ITPR2: variants seen among roughly 807,000 people sequenced by gnomAD.
ITPR2 encodes the protein inositol 1,4,5-trisphosphate-gated calcium channel ITPR2.
ITPR2 carries 207 observed loss-of-function variants against 317.1 expected under a neutral mutation model. The ratio of observed to expected loss-of-function variants is 0.65; its 90% CI spans 0.58 to 0.73. The LOEUF (loss-of-function observed/expected upper bound fraction) is 0.73, where lower values mean the gene tolerates loss of function less well. Ranked by LOEUF, ITPR2 falls within the 30% of genes least tolerant of loss-of-function variation. ITPR2 has a pLI of 0.00. For missense variants in ITPR2, 2,613 were observed against 3,284.0 expected, an observed-to-expected ratio of 0.80 and a Z score of 4.99; for synonymous variants, 1,156 against 1,149.1, an observed-to-expected ratio of 1.01 and a Z score of -0.12.
chr12:26,400,118 T>G lies in ITPR2; in HGVS notation c.7530+10A>C, dbSNP rs773149443. On this transcript the variant is annotated intron_variant, in intron 53 of 56. Transcript: ENST00000381340. ...GTGCTCCTTGAAAAAATACTTTTACTCTGGCTTACATCTTTCGATGGCCTT... is the reference window on the plus strand; with the variant it reads ...GTGCTCCTTGAAAAAATACTTTTACGCTGGCTTACATCTTTCGATGGCCTT... The G allele has an allele frequency of 8.2e-6, 13 of 1,592,628 alleles. No homozygotes were observed. Among genetic ancestry groups the G allele is most frequent in the Non-Finnish European group, 9.4e-6 (11 of 1,170,670 alleles).
At chr12:26,795,970 C>T (rs1419700098) in intron 1 of ITPR2, among the ~76,000 whole-genome samples, 3 of 140,108 alleles carry the variant, frequency 2.1e-5, no homozygotes, top group Non-Finnish European at 3.0e-5. Flanking sequence ...CGCAACAGAG[C>T]GAGACTCTGT....
rs1214585065 is a variant in ITPR2, at chr12:26,628,042, G to A, written c.3055C>T (p.Leu1019=). Residue 1019 remains leucine (L), a synonymous_variant, in exon 23 of 57, where the codon CTA becomes TTA. Transcript: ENST00000381340. ...TGTCACAAAAAGATACCTGATGGTA[G>A]TAAAGTGTCTGGAGATCCACTGGCA... The part of the protein sequence containing the change: ...TSASGSPDTL[L]PSAIVPDIDE... 1 of 1,609,296 alleles carries A rather than the reference G, an allele frequency of 6.2e-7. No homozygotes were observed. Among genetic ancestry groups the A allele is most frequent in the South Asian group, 1.1e-5 (1 of 89,446 alleles).
chr12:26,425,600 G>A (rs1173995813), intron 49 of ITPR2, among the ~76,000 whole-genome samples: 2 of 151,684 alleles, frequency 1.3e-5, no homozygotes, highest in Non-Finnish European at 2.9e-5. Context: ...CCTGGGAGGT[G>A]GAGGTTGCAG....
intron 37 of ITPR2, among the ~76,000 whole-genome samples, chr12:26,512,244 T>C (rs918784962): frequency 6.6e-6 from 1 of 151,104 alleles, no homozygotes; most frequent in African/African-American, 2.4e-5. Context: ...AGAAGATTCC[T>C]TGTGGGCCTC....
Position 26,398,819 on chromosome 12 carries a change from C to T in ITPR2, c.7696+57G>A, listed in dbSNP as rs983236999. On this transcript the variant is annotated intron_variant, in intron 54 of 56. Coordinates refer to ENST00000381340, the MANE Select transcript of ITPR2 (RefSeq NM_002223.4). ...ATGAAAAATAAAAATCCCTCTAGCC[C>T]CTCTTTCCTGCAAACAGTCTATTCA... 15 of 1,427,818 alleles carry T rather than the reference C, an allele frequency of 1.1e-5. No individual in the cohort carries two copies. The Admixed American group carries it at 2.1e-4, about 20-fold the overall frequency. The allele number at this position is 1,427,818 out of a possible 1,614,324, so 88.4% of individuals were successfully genotyped here. A position where few individuals can be genotyped will look rare whatever the true frequency, so the allele number is the denominator to read the frequency against.
At chr12:26,791,384 AAAG>A (rs558306186) in intron 1 of ITPR2, among the ~76,000 whole-genome samples, 145 of 152,250 alleles carry the variant, frequency 9.5e-4, no homozygotes, top group South Asian at 4.4e-3. Flanking sequence ...TAAAAAAAAA[AAAG>A]AAGAAGAGGA....
chr12:26,578,052 A>G (rs1945316566), intron 34 of ITPR2, among the ~76,000 whole-genome samples: 1 of 152,228 alleles, frequency 6.6e-6, no homozygotes, highest in Non-Finnish European at 1.5e-5. Context: ...ATGTCTGCAG[A>G]GCCACCATTA....
chr12:26,553,086 A>C (rs971859002), intron 36 of ITPR2, among the ~76,000 whole-genome samples: 1 of 152,242 alleles, frequency 6.6e-6, no homozygotes, highest in African/African-American at 2.4e-5. Flanking sequence ...TGTCACCCTC[A>C]CTATGAGATG....
intron 2 of ITPR2, among the ~76,000 whole-genome samples, chr12:26,736,058 G>A (rs1949113839): frequency 6.6e-6 from 1 of 152,136 alleles, no homozygotes; most frequent in Non-Finnish European, 1.5e-5. Context: ...AAATCTGTTT[G>A]CAAAAGAAAG....
chr12:26,380,329 A>C (rs940974927), intron 55 of ITPR2, among the ~76,000 whole-genome samples: 1 of 152,262 alleles, frequency 6.6e-6, no homozygotes, highest in Non-Finnish European at 1.5e-5. Context: ...TGAATACTAA[A>C]GAGAAAATGA....
At chr12:26,612,594 T>G (rs1002808108) in intron 26 of ITPR2, among the ~76,000 whole-genome samples, 7 of 152,186 alleles carry the variant, frequency 4.6e-5, no homozygotes, top group African/African-American at 1.7e-4. Context: ...TATTAATTCA[T>G]TATATAGGTA....
At chr12:26,340,586 G>C (rs572978643) in intron 55 of ITPR2, among the ~76,000 whole-genome samples, 5 of 152,302 alleles carry the variant, frequency 3.3e-5, no homozygotes, top group Admixed American at 6.5e-5. Flanking sequence ...GCACCGTGAA[G>C]GCTGCAGGCA....
chr12:26,682,085 C>A (rs1402456236), intron 12 of ITPR2, 51 bp from the exon 13 acceptor site: 10 of 1,436,804 alleles, frequency 7.0e-6, no homozygotes, highest in Non-Finnish European at 9.7e-6. Context: ...ATACAATATT[C>A]TTTGAAGACT....
intron 9 of ITPR2, among the ~76,000 whole-genome samples, chr12:26,696,227 C>A (rs988208769): frequency 1.3e-5 from 2 of 152,228 alleles, no homozygotes; most frequent in South Asian, 2.1e-4. Context: ...TGAGTACAGA[C>A]CCTTGCATCA....
At position 26,452,257 on chromosome 12, in the gene ITPR2, A is replaced by T. The variant is rs535524129; in HGVS notation, c.6343-8607T>A. Among the ~76,000 whole-genome samples, 195 of 151,590 alleles carry T rather than the reference A, an allele frequency of 1.3e-3. No individual in the cohort carries two copies. In the Middle Eastern group the frequency reaches 0.02, roughly 16 times the overall value. ...TGAAAATCCACCAGTTTTTTTTTTT[A>T]AACCAAAATTAAACATAAAAGAATG... On this transcript the variant is annotated intron_variant, in intron 45 of 56. Coordinates refer to ENST00000381340, the MANE Select transcript of ITPR2 (RefSeq NM_002223.4).
intron 31 of ITPR2, among the ~76,000 whole-genome samples, chr12:26,596,646 CAAAA>C (rs35579016): frequency 1.1e-5 from 1 of 87,432 alleles, no homozygotes. Context: ...AACTCTGTCT[CAAAA>C]AAAAAAAAAA....
At chr12:26,583,969 G>A (rs964232770) in intron 32 of ITPR2, among the ~76,000 whole-genome samples, 1 of 151,962 alleles carries the variant, frequency 6.6e-6, no homozygotes, top group Admixed American at 6.6e-5. Context: ...GACGTAATAA[G>A]GACACAAATT....
chr12:26,510,301 A>G (rs974887017), intron 37 of ITPR2, among the ~76,000 whole-genome samples: 1 of 152,206 alleles, frequency 6.6e-6, no homozygotes, highest in Admixed American at 6.5e-5. Context: ...ACTCCTTCTC[A>G]TAAAATAAGA....
At chr12:26,350,691 A>G (rs1938452270) in intron 55 of ITPR2, among the ~76,000 whole-genome samples, 1 of 152,000 alleles carries the variant, frequency 6.6e-6, no homozygotes, top group Non-Finnish European at 1.5e-5. Flanking sequence ...CTATGAATAG[A>G]GACCACAGCC....
Sources: allele counts gnomAD v4.1 joint callset (sites outside exome capture counted in the v4.1 genomes callset), GRCh38; gene constraint gnomAD v4.1.1; transcripts MANE v1.5; gene names NCBI Gene and HGNC (gene_info 2026-07-23, HGNC 2026-07-21).